The following FAT4 variants were observed in gnomAD, a reference collection of about 807,000 sequenced individuals.
FAT4 encodes FAT atypical cadherin 4.
FAT4 carries 84 observed loss-of-function variants against 303.9 expected under a neutral mutation model. The observed-to-expected ratio is 0.28, with a 90% CI of 0.23 to 0.33. The LOEUF is 0.33. FAT4 is among the 10% of genes least tolerant of loss of function. FAT4 has a pLI of 1.00. For missense variants in FAT4, 6,005 were observed against 6,146.8 expected (o/e 0.98, Z 0.77); for synonymous variants, 2,307 against 2,298.8 (o/e 1.00, Z -0.10).
Position 125,491,494 on chromosome 4 carries a change from G to T in FAT4, c.14678G>T (p.Arg4893Leu). Residue 4893 changes from arginine (R) to leucine (L), a missense_variant, in exon 18 of 18, where the codon CGA becomes CTA. Arg to Leu is a moderately radical substitution (Grantham distance 102, BLOSUM62 -2). Transcript: ENST00000394329. ...EDNYGARLKPRRYHGRRAEGG... is the reference protein window; with the variant it reads ...EDNYGARLKPLRYHGRRAEGG... The stretch of plus-strand genomic sequence containing the variant: ...AATTATGGAGCCAGACTGAAGCCTC[G>T]AAGGTACCACGGTCGCAGGGCCGAG... 1 of 1,614,128 alleles carries T rather than the reference G, an allele frequency of 6.2e-7. No individual in the cohort carries two copies. Among genetic ancestry groups the T allele is most frequent in the Non-Finnish European group, 8.5e-7 (1 of 1,180,016 alleles).
At position 125,317,266 on chromosome 4, in the gene FAT4, C is replaced by A. The variant is rs767533176; in HGVS notation, c.855C>A (p.Ile285=). 6.3e-7 allele frequency: 1 copy of A among 1,580,464 alleles called. No individual in the cohort carries two copies. The highest frequency in any genetic ancestry group is 1.7e-5 in the Admixed American group (1 of 57,732). The stretch of plus-strand genomic sequence containing the variant: ...CGGACGAGGGCACCAACGCGGACAT[C>A]CGCTATCGCCTGCAGGACGAGGGGA... The part of the protein sequence containing the change: ...ADADEGTNAD[I]RYRLQDEGTP... Residue 285 remains isoleucine (I), a synonymous_variant, in exon 2 of 18, where the codon ATC becomes ATA. Transcript: ENST00000394329. This position sits in a 1 kb window ranked among gnomAD's most constrained non-coding sequence, Gnocchi z 7.0.
rs376545643 is a variant in FAT4, at chr4:125,446,405, G to T, written c.7312G>T (p.Val2438Phe). The T allele has an allele frequency of 8.5e-5, 137 of 1,613,370 alleles. No homozygotes were observed. The highest frequency in any genetic ancestry group is 1.1e-4 in the Non-Finnish European group (126 of 1,179,576). The change falls in exon 9 of 18, where the codon GTC (valine) becomes TTC (phenylalanine). Residue 2438 changes from valine to phenylalanine, a missense_variant. Coordinates refer to ENST00000394329, the MANE Select transcript of FAT4 (RefSeq NM_001291303.3). ...AAAAGATAATTATACTTTGGTAGTG[G>T]TCTGCAGTGATGCGGGATCCCCAGA... ...ETKDNYTLVV[V>F]CSDAGSPEPL...
Position 125,318,945 on chromosome 4 carries a change from C to T in FAT4, c.2534C>T (p.Thr845Ile). 12 of 1,614,172 alleles carry T rather than the reference C, an allele frequency of 7.4e-6. No homozygotes were observed. The highest frequency in any genetic ancestry group is 1.3e-5 in the African/African-American group (1 of 75,044). Residue 845 changes from threonine (T) to isoleucine (I), a missense_variant, in exon 2 of 18, where the codon ACT becomes ATT. Thr to Ile is a moderately conservative substitution (Grantham distance 89). Transcript: ENST00000394329. ...GGTATGTTTGCTATCAACCAGGTCACTGGGCAGCTTACCACAGCAAATGTG... is the reference window on the plus strand; with the variant it reads ...GGTATGTTTGCTATCAACCAGGTCATTGGGCAGCTTACCACAGCAAATGTG... ...QKGMFAINQV[T>I]GQLTTANVID...
At chr4:125,346,494 A>G (rs1286228802) in intron 2 of FAT4, among the ~76,000 whole-genome samples, 1 of 152,022 alleles carries the variant, frequency 6.6e-6, no homozygotes, top group African/African-American at 2.4e-5. Context: ...CAAACTATTG[A>G]ATCATAAATT....
At chr4:125,489,499 C>T (rs556576017) in intron 17 of FAT4, among the ~76,000 whole-genome samples, 17 of 152,068 alleles carry the variant, frequency 1.1e-4, no homozygotes, top group African/African-American at 3.9e-4. Flanking sequence ...AGCCATTGGC[C>T]TATTTCATGT....
rs1473268629 is a variant in FAT4 at position 125,408,487 on chromosome 4, T to C, written c.5613T>C (p.Gly1871=). ...AAILATDDDS[G]VNGEITYIVN... Reference sequence around the variant, plus strand: ...TTTTAGCCACGGATGATGACTCTGGTGTGAATGGAGAAATTACATATATTG... The same window carrying C: ...TTTTAGCCACGGATGATGACTCTGGCGTGAATGGAGAAATTACATATATTG... Residue 1871 remains glycine (G), a synonymous_variant, in exon 5 of 18, where the codon GGT becomes GGC. Coordinates refer to ENST00000394329, the MANE Select transcript of FAT4 (RefSeq NM_001291303.3). 2 of 1,612,734 alleles carry C rather than the reference T, an allele frequency of 1.2e-6. No homozygotes were observed. Among genetic ancestry groups the C allele is most frequent in the Non-Finnish European group, 1.7e-6 (2 of 1,179,358 alleles).
intron 2 of FAT4, among the ~76,000 whole-genome samples, chr4:125,346,652 C>G (rs2940780): frequency 6.8e-4 from 104 of 151,916 alleles, no homozygotes; most frequent in African/African-American, 2.3e-3. Flanking sequence ...ATTTACAACA[C>G]GTGAGAATGG....
chr4:125,487,795 G>A (rs544818195), intron 17 of FAT4, among the ~76,000 whole-genome samples, 189 bp downstream of exon 17: 2 of 152,246 alleles, frequency 1.3e-5, no homozygotes, highest in East Asian at 3.9e-4. Context: ...TCCTAAGAAT[G>A]TCATAACTAT....
intron 2 of FAT4, among the ~76,000 whole-genome samples, chr4:125,371,253 C>T (rs757902251): frequency 1.1e-4 from 17 of 150,770 alleles, no homozygotes; most frequent in Non-Finnish European, 2.2e-4. Flanking sequence ...AAATATCTAA[C>T]ATAAATATTG....
intron 2 of FAT4, among the ~76,000 whole-genome samples, chr4:125,394,708 T>G (rs985257295): frequency 4.6e-5 from 7 of 152,236 alleles, no homozygotes; most frequent in Middle Eastern, 3.4e-3. Context: ...CTAAAGAAGG[T>G]ATAGTAATGG....
chr4:125,347,142 C>T (rs997594918), intron 2 of FAT4, among the ~76,000 whole-genome samples: 2 of 151,470 alleles, frequency 1.3e-5, no homozygotes. Flanking sequence ...AATACTAATA[C>T]TAATAGGCAT....
At chr4:125,428,087 C>T (rs1725151893) in intron 7 of FAT4, among the ~76,000 whole-genome samples, 1 of 151,976 alleles carries the variant, frequency 6.6e-6, no homozygotes, top group Non-Finnish European at 1.5e-5. Context: ...CACTTGAGGT[C>T]AGGAGTTCGA....
chr4:125,319,509 A>G lies in FAT4; in HGVS notation c.3098A>G (p.Tyr1033Cys), dbSNP rs752444296. The G allele has an allele frequency of 1.5e-5, 25 of 1,613,408 alleles. No individual in the cohort carries two copies. The highest frequency in any genetic ancestry group is 2.0e-5 in the Non-Finnish European group (24 of 1,179,422). ...TCAGGAGCAAATGGTGAAATTGCATACACCATTGCTGAAGGAAATACAGGG... is the reference window on the plus strand; with the variant it reads ...TCAGGAGCAAATGGTGAAATTGCATGCACCATTGCTGAAGGAAATACAGGG... ...KDSGANGEIA[Y>C]TIAEGNTGDA... The change falls in exon 2 of 18, where the codon TAC becomes TGC. Residue 1033 changes from tyrosine to cysteine, a missense_variant. Coordinates refer to ENST00000394329, the MANE Select transcript of FAT4 (RefSeq NM_001291303.3).
At position 125,371,159 on chromosome 4, in the gene FAT4, A is replaced by G. The variant is rs2710584; in HGVS notation, c.5176-27625A>G. On this transcript the variant is annotated intron_variant, in intron 2 of 17. Transcript: ENST00000394329. ...GCTAAACTCCATCTCAAAAAAAAAA[A>G]AAAAAAAGAAGAAGTTTAAATGTCT... Among the ~76,000 whole-genome samples the G allele has an allele frequency of 9.1e-3, 1,387 of 151,632 alleles. 18 individuals are homozygous for G. Among genetic ancestry groups the G allele is most frequent in the African/African-American group, 0.032 (1,327 of 41,368 alleles).
chr4:125,467,517 A>G (rs1194313173), intron 11 of FAT4, among the ~76,000 whole-genome samples: 1 of 152,236 alleles, frequency 6.6e-6, no homozygotes, highest in African/African-American at 2.4e-5. Context: ...TGTAACATCA[A>G]TAAAACTCAT....
At chr4:125,480,620 G>A (rs1026291881) in intron 15 of FAT4, among the ~76,000 whole-genome samples, 1 of 151,952 alleles carries the variant, frequency 6.6e-6, no homozygotes, top group Non-Finnish European at 1.5e-5. Flanking sequence ...AAATAGAAAT[G>A]CATAATAAAA....
intron 7 of FAT4, among the ~76,000 whole-genome samples, chr4:125,425,601 T>G (rs1295061367): frequency 6.6e-6 from 1 of 152,144 alleles, no homozygotes; most frequent in Admixed American, 6.5e-5. Context: ...AGGGTTTTAT[T>G]AAGTATAAAG....
intron 2 of FAT4, among the ~76,000 whole-genome samples, chr4:125,396,317 C>G (rs866040371): frequency 3.3e-5 from 5 of 152,042 alleles, no homozygotes; most frequent in Middle Eastern, 3.4e-3. Context: ...CTAAAAAAAT[C>G]AGGTATGTTT....
intron 2 of FAT4, among the ~76,000 whole-genome samples, chr4:125,359,270 A>G (rs893500940): frequency 6.6e-6 from 1 of 152,162 alleles, no homozygotes; most frequent in African/African-American, 2.4e-5. Flanking sequence ...TTAAGGCCAA[A>G]TGGAAAAAAT....
Sources: gnomAD v4.1 joint callset for allele counts (sites outside exome capture counted in the v4.1 genomes callset) on GRCh38, gnomAD v4.1.1 for gene constraint, Gnocchi (gnomAD v3.1) non-coding constraint, MANE v1.5 for transcripts, NCBI Gene and HGNC (gene_info 2026-07-23, HGNC 2026-07-21) for gene names.